Variants in ERICH6 observed in about 807,000 individuals in gnomAD.
ERICH6 encodes glutamate rich 6.
ERICH6 carries 71 observed loss-of-function variants against 71.0 expected under a neutral mutation model. The ratio of observed to expected loss-of-function variants is 1.00; its 90% confidence interval spans 0.83 to 1.22. The LOEUF (loss-of-function observed/expected upper bound fraction) is 1.22, where lower values mean the gene tolerates loss of function less well. ERICH6 is among the 50% of genes most tolerant of loss of function. The probability of loss-of-function intolerance (pLI) is 0.00; values close to 1 mark genes in which losing one functional copy is unlikely to be tolerated. For missense variants in ERICH6, 808 were observed against 797.2 expected (o/e 1.01, Z -0.16); for synonymous variants, 262 against 278.4 (o/e 0.94, Z 0.59).
intron 1 of ERICH6, among the ~76,000 whole-genome samples, chr3:150,702,428 C>T (rs1047959289): frequency 2.0e-5 from 3 of 152,100 alleles, no homozygotes; most frequent in Non-Finnish European, 4.4e-5. Flanking sequence ...AGGCGCACGC[C>T]GCCACGCCCG....
At chr3:150,663,446 T>C (rs1469496211) in intron 13 of ERICH6, among the ~76,000 whole-genome samples, 2 of 152,220 alleles carry the variant, frequency 1.3e-5, no homozygotes, top group African/African-American at 2.4e-5. Flanking sequence ...AATCAAGTTC[T>C]GCTGTGTTAA....
intron 3 of ERICH6, among the ~76,000 whole-genome samples, chr3:150,690,192 G>T (rs963604889): frequency 1.9e-4 from 29 of 152,084 alleles, no homozygotes; most frequent in African/African-American, 7.0e-4. Flanking sequence ...ACAAAACTAT[G>T]AAAGATTTTT....
At chr3:150,698,008 G>A (rs1318950082) in intron 3 of ERICH6, among the ~76,000 whole-genome samples, 1 of 152,072 alleles carries the variant, frequency 6.6e-6, no homozygotes, top group Non-Finnish European at 1.5e-5. Context: ...CTCACCTCCT[G>A]TAGGTCTTTT....
chr3:150,666,550 C>T (rs1206683628), intron 13 of ERICH6, among the ~76,000 whole-genome samples: 4 of 152,158 alleles, frequency 2.6e-5, no homozygotes. Flanking sequence ...AGAGCAAACA[C>T]TCAATAAGTG....
At chr3:150,700,744 C>T (rs1212294452) in intron 2 of ERICH6, among the ~76,000 whole-genome samples, 5 of 152,116 alleles carry the variant, frequency 3.3e-5, no homozygotes, top group Admixed American at 6.5e-5. Context: ...CCACCATGCC[C>T]GGCTAATTTT....
intron 12 of ERICH6, 120 bp from the exon 13 acceptor site, chr3:150,667,135 G>A: frequency 1.1e-6 from 1 of 869,806 alleles, no homozygotes; most frequent in South Asian, 1.7e-5. Flanking sequence ...AGCAGGAGTG[G>A]TGGAAACTTC....
intron 7 of ERICH6, among the ~76,000 whole-genome samples, chr3:150,681,877 C>T (rs1277253012): frequency 3.0e-5 from 4 of 134,336 alleles, no homozygotes; most frequent in Non-Finnish European, 3.0e-5. Context: ...TGCAGTGGCA[C>T]GATCTTGGCT....
At chr3:150,677,014 G>A (rs1711686872) in intron 10 of ERICH6, among the ~76,000 whole-genome samples, 1 of 152,058 alleles carries the variant, frequency 6.6e-6, no homozygotes, top group Non-Finnish European at 1.5e-5. Context: ...ATTTCACCAT[G>A]TTGCCCAGGC....
At chr3:150,680,619 A>G (rs1404460749) in intron 8 of ERICH6, 81 bp from the exon 9 acceptor site, 14 of 1,580,144 alleles carry the variant, frequency 8.9e-6, no homozygotes, top group Admixed American at 3.3e-5. Context: ...TCAGCTGCTT[A>G]AATGCCATCC....
At chr3:150,699,470 A>T (rs542084262) in intron 2 of ERICH6, among the ~76,000 whole-genome samples, 2 of 152,202 alleles carry the variant, frequency 1.3e-5, no homozygotes, top group African/African-American at 2.4e-5. Context: ...GGATCATAGC[A>T]GACTCTCCTA....
At chr3:150,669,174 C>T (rs1477263953) in intron 12 of ERICH6, 122 bp downstream of exon 12, 2 of 1,059,918 alleles carry the variant, frequency 1.9e-6, no homozygotes, top group South Asian at 2.0e-5. Context: ...TGAACATTAC[C>T]ATCTAAAGAA....
At chr3:150,660,364 C>G (rs1325551583) in intron 13 of ERICH6, among the ~76,000 whole-genome samples, 1 of 152,146 alleles carries the variant, frequency 6.6e-6, no homozygotes, top group Non-Finnish European at 1.5e-5. Flanking sequence ...CAAATGGAAT[C>G]TGGATACCTT....
At chr3:150,665,149 A>G (rs1384314560) in intron 13 of ERICH6, among the ~76,000 whole-genome samples, 2 of 152,140 alleles carry the variant, frequency 1.3e-5, no homozygotes, top group East Asian at 3.8e-4. Flanking sequence ...GGAGCCTAAA[A>G]ATTTGACTGC....
chr3:150,675,654 T>G (rs1711621459), intron 10 of ERICH6, among the ~76,000 whole-genome samples: 1 of 152,122 alleles, frequency 6.6e-6, no homozygotes, highest in Admixed American at 6.5e-5. Context: ...TGACCTAGCT[T>G]ACACTTTCTT....
At chr3:150,661,059 G>C (rs185817801) in intron 13 of ERICH6, among the ~76,000 whole-genome samples, 2 of 152,268 alleles carry the variant, frequency 1.3e-5, no homozygotes, top group East Asian at 3.9e-4. Context: ...TAATAAGAAA[G>C]ATTTATCCCC....
chr3:150,666,890 A>G lies in ERICH6; in HGVS notation c.1625T>C (p.Leu542Ser), dbSNP rs781781666. 6.2e-7 allele frequency: 1 copy of G among 1,614,214 alleles called. No individual in the cohort carries two copies. Among genetic ancestry groups the G allele is most frequent in the South Asian group, 1.1e-5 (1 of 91,090 alleles). The change falls in exon 13 of 14, where the codon TTG becomes TCG. Residue 542 changes from leucine (L) to serine (S), a missense_variant. Transcript: ENST00000295910. ...GATGCGGACTCCAATATAACGGTTC[A>G]AAGCCAGAAAGACAGGTTTAAATGA... ...FVSFKPVFLALNRYIGVRILE... is the reference protein window; with the variant it reads ...FVSFKPVFLASNRYIGVRILE...
intron 13 of ERICH6, among the ~76,000 whole-genome samples, chr3:150,663,232 G>C (rs1012004200): frequency 1.3e-5 from 2 of 152,206 alleles, no homozygotes; most frequent in Admixed American, 6.5e-5. Context: ...TAAAGAGGCA[G>C]ACAAGAATGA....
chr3:150,685,965 C>T lies in ERICH6; in HGVS notation c.666+1G>A. ...TAGTTAGTATGATAAACATTTCTTA[C>T]CTCCAGCTCATATAAAATATTTAGT... On this transcript the variant is annotated splice_donor_variant, in intron 5 of 13. Coordinates refer to ENST00000295910, the MANE Select transcript of ERICH6 (RefSeq NM_152394.5). LOFTEE classifies it high-confidence loss of function. 1 of 1,604,546 alleles carries T rather than the reference C, an allele frequency of 6.2e-7. No individual in the cohort carries two copies. Among genetic ancestry groups the T allele is most frequent in the Non-Finnish European group, 8.5e-7 (1 of 1,171,222 alleles).
At chr3:150,663,633 T>A (rs1727301504) in intron 13 of ERICH6, among the ~76,000 whole-genome samples, 1 of 152,048 alleles carries the variant, frequency 6.6e-6, no homozygotes. Flanking sequence ...CGCCACCATG[T>A]CTGGAGAATT....
Sources: allele counts gnomAD v4.1 joint callset (sites outside exome capture counted in the v4.1 genomes callset), GRCh38; gene constraint gnomAD v4.1.1; transcripts MANE v1.5; gene names NCBI Gene and HGNC (gene_info 2026-07-23, HGNC 2026-07-21).